Variants in ZCCHC7 observed in about 807,000 individuals in gnomAD.
ZCCHC7 encodes zinc finger CCHC-type containing 7, also known as zinc finger CCHC domain-containing protein 7.
ZCCHC7 carries 35 observed loss-of-function variants against 52.0 expected under a neutral mutation model. That is an observed-to-expected ratio of 0.67 (90% CI 0.51 to 0.89). The LOEUF (loss-of-function observed/expected upper bound fraction) is 0.89, where lower values mean the gene tolerates loss of function less well. ZCCHC7 is among the 40% of genes least tolerant of loss of function. The pLI, the probability that ZCCHC7 is intolerant of heterozygous loss-of-function variation, is 0.00. For missense variants in ZCCHC7, 574 were observed against 649.1 expected (o/e 0.88, Z 1.26); for synonymous variants, 217 against 221.5 (o/e 0.98, Z 0.18).
intron 2 of ZCCHC7, among the ~76,000 whole-genome samples, chr9:37,141,318 C>G (rs79014101): frequency 5.2e-3 from 779 of 150,470 alleles, no homozygotes; most frequent in Non-Finnish European, 9.1e-3. Context: ...AAATTTGTTT[C>G]TTTGTTTTGA....
At chr9:37,151,886 T>C (rs777895692) in intron 2 of ZCCHC7, among the ~76,000 whole-genome samples, 2 of 152,190 alleles carry the variant, frequency 1.3e-5, no homozygotes, top group Non-Finnish European at 2.9e-5. Flanking sequence ...TTAGATCCTG[T>C]GGGTTGTTTC....
intron 2 of ZCCHC7, among the ~76,000 whole-genome samples, chr9:37,143,939 C>T (rs376750564): frequency 4.6e-5 from 7 of 151,514 alleles, no homozygotes; most frequent in Admixed American, 3.3e-4. Flanking sequence ...TGATATTTTG[C>T]GGCAGACAGT....
At chr9:37,305,908 G>A (rs1189039224) in intron 5 of ZCCHC7, among the ~76,000 whole-genome samples, 194 bp downstream of exon 5, 1 of 151,640 alleles carries the variant, frequency 6.6e-6, no homozygotes, top group Non-Finnish European at 1.5e-5. Flanking sequence ...AATAATATAG[G>A]GGTAAGGAGC....
At chr9:37,290,704 C>T (rs763924507) in intron 2 of ZCCHC7, among the ~76,000 whole-genome samples, 12 of 152,068 alleles carry the variant, frequency 7.9e-5, no homozygotes, top group Non-Finnish European at 1.8e-4. Context: ...CTTTCTTAAA[C>T]GTCTTCCAAA....
Position 37,120,593 on chromosome 9 carries a change from C to A in ZCCHC7, c.-52C>A, listed in dbSNP as rs752603736. 2.5e-6 allele frequency: 1 copy of A among 398,932 alleles called. No individual in the cohort carries two copies. Among genetic ancestry groups the A allele is most frequent in the East Asian group, 3.6e-5 (1 of 28,052 alleles). The allele number at this position is 398,932 out of a possible 1,614,324, so 24.7% of individuals were successfully genotyped here. On this transcript the variant is annotated 5_prime_UTR_variant, in exon 1 of 9. Transcript: ENST00000336755. ...CCGTCCCTCTACGCGTTTTGGTTCC[C>A]GGTTGGTGCTTCCTGTTCGCAGCTG...
intron 2 of ZCCHC7, among the ~76,000 whole-genome samples, chr9:37,248,656 G>T (rs1235594505): frequency 1.3e-5 from 2 of 152,120 alleles, no homozygotes; most frequent in Non-Finnish European, 2.9e-5. Context: ...AACCTGTTAG[G>T]TGCCTTCATG....
In ZCCHC7 at chr9:37,310,954, CT is replaced by C. The variant is rs368811123; in HGVS notation, c.951+5245del. Among the ~76,000 whole-genome samples the C allele has an allele frequency of 7.6e-3, 967 of 126,636 alleles. 12 individuals are homozygous for C. Among genetic ancestry groups the C allele is most frequent in the East Asian group, 0.023 (101 of 4,424 alleles). The allele number at this position is 126,636 out of a possible 152,430, so 83.1% of individuals were successfully genotyped here. On this transcript the variant is annotated intron_variant, in intron 5 of 8. Coordinates refer to ENST00000336755, the MANE Select transcript of ZCCHC7 (RefSeq NM_032226.3). ...CCTGGGTGACAGTGTAAGACTCTCT[CT>C]TTTTAAAAAAAAAAAAAAAAAAAAA...
At chr9:37,317,353 A>G (rs2117934051) in intron 5 of ZCCHC7, among the ~76,000 whole-genome samples, 1 of 152,360 alleles carries the variant, frequency 6.6e-6, no homozygotes, top group South Asian at 2.1e-4. Flanking sequence ...GCAACAATGA[A>G]CAGTGAAAGC....
intron 2 of ZCCHC7, among the ~76,000 whole-genome samples, chr9:37,199,172 A>G (rs1342306244): frequency 2.6e-5 from 4 of 152,104 alleles, no homozygotes; most frequent in African/African-American, 7.2e-5. Context: ...CTCTCCTGCC[A>G]CTTTGTTTTC....
At chr9:37,281,758 C>A (rs1220941775) in intron 2 of ZCCHC7, among the ~76,000 whole-genome samples, 1 of 152,194 alleles carries the variant, frequency 6.6e-6, no homozygotes, top group Non-Finnish European at 1.5e-5. Flanking sequence ...AGCATATACA[C>A]ATTAATAATG....
At chr9:37,257,523 A>T (rs1200366388) in intron 2 of ZCCHC7, among the ~76,000 whole-genome samples, 1 of 152,238 alleles carries the variant, frequency 6.6e-6, no homozygotes, top group African/African-American at 2.4e-5. Context: ...TTGAAAATAC[A>T]AAACAATGCC....
intron 5 of ZCCHC7, among the ~76,000 whole-genome samples, chr9:37,315,782 C>G (rs897006483): frequency 6.9e-6 from 1 of 145,266 alleles, no homozygotes; most frequent in Admixed American, 6.9e-5. Context: ...AAACCTTTCT[C>G]TCTCACCCTG....
intron 2 of ZCCHC7, among the ~76,000 whole-genome samples, chr9:37,127,540 TGTTA>T (rs1019438089): frequency 6.6e-6 from 1 of 152,174 alleles, no homozygotes; most frequent in Admixed American, 6.5e-5. Context: ...AAAATTTTGG[TGTTA>T]GTTATGTCTC....
At chr9:37,261,446 C>T (rs1443068080) in intron 2 of ZCCHC7, among the ~76,000 whole-genome samples, 1 of 152,150 alleles carries the variant, frequency 6.6e-6, no homozygotes, top group Non-Finnish European at 1.5e-5. Flanking sequence ...CTGTTTGATC[C>T]TCCTCTTATC....
At chr9:37,279,616 T>G (rs1013674702) in intron 2 of ZCCHC7, among the ~76,000 whole-genome samples, 12 of 151,936 alleles carry the variant, frequency 7.9e-5, no homozygotes, top group African/African-American at 2.7e-4. Context: ...CCTAGCACTT[T>G]GGGAGGCCAA....
rs1260480340 is a variant in ZCCHC7, at chr9:37,267,752, G to A, written c.611-34436G>A. ...GCCTGGCTAATTTTTTGTATTTTTA[G>A]TAGAGATGGGGTTTCACCGTGTTAG... is the stretch of plus-strand genomic sequence containing the variant. On this transcript the variant is annotated intron_variant, in intron 2 of 8. Transcript: ENST00000336755. Among the ~76,000 whole-genome samples the A allele has an allele frequency of 2.0e-5, 3 of 151,892 alleles. No homozygotes were observed. In the East Asian group the frequency reaches 5.8e-4, roughly 29 times the overall value.
intron 5 of ZCCHC7, among the ~76,000 whole-genome samples, chr9:37,315,230 CTT>C (rs1446229663): frequency 1.3e-5 from 2 of 151,918 alleles, no homozygotes; most frequent in Non-Finnish European, 1.5e-5. Context: ...ATACCAGGCT[CTT>C]AACATTGCTT....
intron 2 of ZCCHC7, among the ~76,000 whole-genome samples, chr9:37,225,372 T>C (rs533738891): frequency 6.6e-6 from 1 of 152,198 alleles, no homozygotes; most frequent in Non-Finnish European, 1.5e-5. Context: ...TATCACACTT[T>C]AAAGAAGGAA....
intron 6 of ZCCHC7, 123 bp from the exon 7 acceptor site, chr9:37,349,234 G>A: frequency 3.7e-6 from 3 of 810,612 alleles, no homozygotes; most frequent in Non-Finnish European, 3.9e-6. Context: ...CCTGAATACA[G>A]GTCTCCATAC....
Sources: gnomAD v4.1 joint callset for allele counts (sites outside exome capture counted in the v4.1 genomes callset) on GRCh38, gnomAD v4.1.1 for gene constraint, MANE v1.5 for transcripts, NCBI Gene and HGNC (gene_info 2026-07-23, HGNC 2026-07-21) for gene names.